The following IRAG2 variants were observed in gnomAD, a reference collection of about 807,000 sequenced individuals.
IRAG2 encodes lymphoid restricted membrane protein.
A neutral mutation model predicts 69.9 loss-of-function variants in IRAG2; 45 were observed. That is an observed-to-expected ratio of 0.64 (90% CI 0.51 to 0.83). The LOEUF (loss-of-function observed/expected upper bound fraction) is 0.83. Among genes scored for constraint, IRAG2 ranks in the 40% least tolerant of loss-of-function variants. The pLI is 0.00. For missense variants in IRAG2, 520 were observed against 587.0 expected, an observed-to-expected ratio of 0.89 and a Z score of 1.18; for synonymous variants, 193 against 202.4, an observed-to-expected ratio of 0.95 and a Z score of 0.40.
intron 17 of IRAG2, 35 bp from the exon 18 acceptor site, chr12:25,103,802 A>G (rs776836681): frequency 6.9e-7 from 1 of 1,456,020 alleles, no homozygotes; most frequent in Admixed American, 1.7e-5. Flanking sequence ...AATTATTGAG[A>G]GTTTTCTAAA....
intron 16 of IRAG2, among the ~76,000 whole-genome samples, chr12:25,041,454 G>C (rs1295188980): frequency 3.3e-5 from 5 of 151,978 alleles, no homozygotes; most frequent in Admixed American, 6.6e-5. Flanking sequence ...TGAAAGCAGT[G>C]AGATGAGTAA....
At chr12:25,046,834 A>T (rs1412971819) in intron 16 of IRAG2, among the ~76,000 whole-genome samples, 1 of 152,192 alleles carries the variant, frequency 6.6e-6, no homozygotes, top group East Asian at 1.9e-4. Flanking sequence ...AAAATCCTAA[A>T]ACTTATGGAA....
chr12:25,056,805 A>C (rs1203013999), intron 1 of IRAG2, among the ~76,000 whole-genome samples: 1 of 152,194 alleles, frequency 6.6e-6, no homozygotes, highest in Non-Finnish European at 1.5e-5. Context: ...GAAAGGAAAA[A>C]GTCCTTAGCT....
At chr12:25,002,023 C>T (rs541375219), upstream of IRAG2, among the ~76,000 whole-genome samples, 5 of 152,226 alleles carry the variant, frequency 3.3e-5, no homozygotes, top group African/African-American at 9.6e-5. Context: ...CCCGCCTCAG[C>T]CCCCAAAGTG....
chr12:25,064,082 C>T lies in IRAG2; in HGVS notation c.-207+266C>T, dbSNP rs181613078. On this transcript the variant is annotated intron_variant, in intron 4 of 21. Transcript: ENST00000556887. ...TTGGGAGGCCACAGCAGGTGGGTTG[C>T]TTGAGCCCAGGAATTCGAGACCAGC... Among the ~76,000 whole-genome samples, 88 of 152,248 alleles carry T rather than the reference C, an allele frequency of 5.8e-4. 1 individual carries two copies. The Middle Eastern group carries it at 0.031, about 53-fold the overall frequency.
exon 1 of IRAG2, chr12:25,004,540 G>T: frequency 3.2e-6 from 4 of 1,232,108 alleles, no homozygotes. Context: ...AATGACTGCT[G>T]CTTGTGTTCC....
intron 2 of IRAG2, among the ~76,000 whole-genome samples, chr12:25,005,530 G>A (rs549391012): frequency 1.1e-4 from 17 of 152,234 alleles, no homozygotes; most frequent in African/African-American, 3.9e-4. Flanking sequence ...TGGTTATTTC[G>A]TTATAATTTC....
At position 25,096,897 on chromosome 12, in the gene IRAG2, GT is replaced by G. The variant is rs757249506; in HGVS notation, c.607-9del. The G allele has an allele frequency of 6.3e-6, 10 of 1,597,004 alleles. No individual in the cohort carries two copies. Among genetic ancestry groups the G allele is most frequent in the African/African-American group, 1.4e-5 (1 of 73,796 alleles). Reference sequence around the variant, plus strand: ...TGTGTTAGATATCTTTTAATATGCTGTTTTCTATACAGTCTTTAACACCTCT... The same window carrying G: ...TGTGTTAGATATCTTTTAATATGCTGTTTCTATACAGTCTTTAACACCTCT... On this transcript the variant is annotated splice_polypyrimidine_tract_variant and intron_variant, in intron 14 of 21. Coordinates refer to ENST00000556887, the MANE Select transcript of IRAG2 (RefSeq NM_001366544.2).
chr12:25,048,870 T>C (rs970348860), upstream of IRAG2, among the ~76,000 whole-genome samples: 1 of 152,238 alleles, frequency 6.6e-6, no homozygotes, highest in African/African-American at 2.4e-5. Flanking sequence ...TGCCTGGATT[T>C]TCTTCCAGGG....
rs146123857 is a variant in IRAG2 at position 25,105,318 on chromosome 12, C to T, written c.1148+856C>T. ...GTCTCGATCTCCTGACCTCGTGATCCGCCCGCCTCGGCCTCCCAAAGTGCT... is the reference window on the plus strand; with the variant it reads ...GTCTCGATCTCCTGACCTCGTGATCTGCCCGCCTCGGCCTCCCAAAGTGCT... On this transcript the variant is annotated intron_variant, in intron 20 of 21. Transcript: ENST00000556887. Among the ~76,000 whole-genome samples the T allele has an allele frequency of 3.6e-3, 542 of 152,132 alleles. 19 individuals are homozygous for T. The East Asian group carries it at 0.076, about 21-fold the overall frequency.
At chr12:25,000,868 GT>G (rs1173097163), upstream of IRAG2, among the ~76,000 whole-genome samples, 1 of 152,210 alleles carries the variant, frequency 6.6e-6, no homozygotes, top group Non-Finnish European at 1.5e-5. Flanking sequence ...TTCAAAGGCA[GT>G]TACTGTACAA....
At position 25,100,000 on chromosome 12, in the gene IRAG2, GAAAAAAAAA is replaced by G. The variant is rs56728551; in HGVS notation, c.742-1161_742-1153del. Among the ~76,000 whole-genome samples, 10 of 25,674 alleles carry G rather than the reference GAAAAAAAAA, an allele frequency of 3.9e-4. 1 individual carries two copies. The highest frequency in any genetic ancestry group is 2.0e-3 in the African/African-American group (7 of 3,486). The allele number at this position is 25,674 out of a possible 152,430, so 16.8% of individuals were successfully genotyped here. A position where few individuals can be genotyped will look rare whatever the true frequency, so the allele number is the denominator to read the frequency against. Reference sequence around the variant, plus strand: ...GGGCAACAAGAGTGAGACTCCATCTGAAAAAAAAAAAAAAAAAAAAAAAAATGGGCAAAA... The same window carrying G: ...GGGCAACAAGAGTGAGACTCCATCTGAAAAAAAAAAAAAAAATGGGCAAAA... On this transcript the variant is annotated intron_variant, in intron 15 of 21. Coordinates refer to ENST00000556887, the MANE Select transcript of IRAG2 (RefSeq NM_001366544.2).
chr12:25,055,886 A>G (rs1187705229), intron 1 of IRAG2, among the ~76,000 whole-genome samples: 1 of 152,192 alleles, frequency 6.6e-6, no homozygotes, highest in African/African-American at 2.4e-5. Flanking sequence ...ACAATCCAAA[A>G]CTATCACCCC....
chr12:25,056,425 A>G (rs1436557902), intron 1 of IRAG2, among the ~76,000 whole-genome samples: 1 of 152,342 alleles, frequency 6.6e-6, no homozygotes, highest in Non-Finnish European at 1.5e-5. Flanking sequence ...TGGGAAGTAT[A>G]GTATAATGAT....
At chr12:25,057,079 T>C (rs1945305368) in intron 1 of IRAG2, among the ~76,000 whole-genome samples, 1 of 152,076 alleles carries the variant, frequency 6.6e-6, no homozygotes, top group Admixed American at 6.6e-5. Flanking sequence ...CACCAGCATT[T>C]CCACTCTCTT....
intron 6 of IRAG2, among the ~76,000 whole-genome samples, chr12:25,072,158 C>A (rs1478121061): frequency 2.0e-5 from 3 of 151,768 alleles, no homozygotes; most frequent in Admixed American, 1.3e-4. Context: ...GAGCCGAGAT[C>A]GTGCCATTGT....
At position 25,103,764 on chromosome 12, in the gene IRAG2, A is replaced by G. The variant is rs952673176; in HGVS notation, c.934-73A>G. 7.5e-6 allele frequency: 8 copies of G among 1,070,830 alleles called. No individual in the cohort carries two copies. The African/African-American group carries it at 1.1e-4, about 15-fold the overall frequency. 66.3% of individuals were successfully genotyped at this position (1,070,830 alleles called of 1,614,324 possible). On this transcript the variant is annotated intron_variant, in intron 17 of 21. Coordinates refer to ENST00000556887, the MANE Select transcript of IRAG2 (RefSeq NM_001366544.2). Reference sequence around the variant, plus strand: ...AGTACACGGATATGCATGTACAAGGATATTTATTGGTGTTGCATATAATGA... The same window carrying G: ...AGTACACGGATATGCATGTACAAGGGTATTTATTGGTGTTGCATATAATGA...
chr12:25,038,761 C>T (rs1042203379), intron 16 of IRAG2, among the ~76,000 whole-genome samples: 1 of 152,022 alleles, frequency 6.6e-6, no homozygotes, highest in African/African-American at 2.4e-5. Flanking sequence ...CTCTAGTAAC[C>T]TCATAATTTT....
rs1592031449 is a variant in IRAG2 at position 25,079,459 on chromosome 12, A to G, written c.133A>G (p.Ser45Gly). Residue 45 changes from serine (S) to glycine (G), a missense_variant, in exon 8 of 22, where the codon AGT (serine) becomes GGT (glycine). By Grantham distance (56) the Ser-to-Gly change is moderately conservative. Transcript: ENST00000556887. Reference sequence around the variant, plus strand: ...ATCGACAGACGGTACTATAACTTCAAGTGGTAAGTGGATTTGGAAATAATA... The same window carrying G: ...ATCGACAGACGGTACTATAACTTCAGGTGGTAAGTGGATTTGGAAATAATA... ...TSSTDGTITSSDPGLEILNMA... is the reference protein window; with the variant it reads ...TSSTDGTITSGDPGLEILNMA... 6.2e-7 allele frequency: 1 copy of G among 1,611,502 alleles called. No homozygotes were observed.
Sources: allele counts gnomAD v4.1 joint callset (sites outside exome capture counted in the v4.1 genomes callset), GRCh38; gene constraint gnomAD v4.1.1; transcripts MANE v1.5; gene names NCBI Gene and HGNC (gene_info 2026-07-23, HGNC 2026-07-21).